The following ATF7IP2 variants were observed in gnomAD, a reference collection of about 807,000 sequenced individuals.
ATF7IP2 encodes the protein activating transcription factor 7-interacting protein 2.
In ATF7IP2, 42 loss-of-function variants were observed where a neutral mutation model predicts 64.2. The observed-to-expected ratio is 0.65, with a 90% CI of 0.51 to 0.85. The LOEUF (loss-of-function observed/expected upper bound fraction) is 0.85, where lower values mean the gene tolerates loss of function less well. Among genes scored for constraint, ATF7IP2 ranks in the 40% least tolerant of loss-of-function variants. The pLI is 0.00. For synonymous variants in ATF7IP2, 308 were observed against 272.8 expected (o/e 1.13, Z -1.27); for missense variants, 933 against 784.2 (o/e 1.19, Z -2.27).
intron 9 of ATF7IP2, among the ~76,000 whole-genome samples, chr16:10,471,625 T>C (rs2049803091): frequency 6.6e-6 from 1 of 152,156 alleles, no homozygotes; most frequent in Admixed American, 6.5e-5. Flanking sequence ...TGTCTCAAAT[T>C]TGTGGTAAAT....
intron 1 of ATF7IP2, among the ~76,000 whole-genome samples, chr16:10,388,925 T>C (rs1352493592): frequency 1.3e-5 from 2 of 151,302 alleles, no homozygotes; most frequent in African/African-American, 4.9e-5. Context: ...GGCAGGAGAA[T>C]GGCGTGAAGC....
intron 1 of ATF7IP2, among the ~76,000 whole-genome samples, chr16:10,413,755 T>C (rs1358884363): frequency 6.6e-6 from 1 of 152,234 alleles, no homozygotes; most frequent in East Asian, 1.9e-4. Context: ...CATCATTTGT[T>C]TGTCTGAAAA....
rs532684498 is a variant in ATF7IP2, at chr16:10,424,336, C to T, written c.-159-4532C>T. 1.9e-3 allele frequency among the ~76,000 whole-genome samples: 284 copies of T among 152,304 alleles called. 1 individual carries two copies. Among genetic ancestry groups the T allele is most frequent in the African/African-American group, 6.3e-3 (260 of 41,556 alleles). On this transcript the variant is annotated intron_variant, in intron 3 of 13. Coordinates refer to ENST00000562102, the MANE Select transcript of ATF7IP2 (RefSeq NM_001393719.1). ...GCTAGATTTGGGGTCCTGTTCCCAA[C>T]AGACCCCTATCTCTCACCATAAGCA...
chr16:10,401,371 T>C (rs930365144), intron 1 of ATF7IP2, among the ~76,000 whole-genome samples: 5 of 152,122 alleles, frequency 3.3e-5, no homozygotes, highest in Non-Finnish European at 7.4e-5. Context: ...GGTTTCACCA[T>C]GTTGGCCAGG....
intron 6 of ATF7IP2, among the ~76,000 whole-genome samples, chr16:10,437,022 ATTT>A (rs71402484): frequency 2.1e-5 from 3 of 141,046 alleles, no homozygotes; most frequent in African/African-American, 2.6e-5. Flanking sequence ...TATTTTTCCC[ATTT>A]TTTTTTTTTT....
At position 10,444,427 on chromosome 16, in the gene ATF7IP2, T is replaced by A. The variant is rs184865958; in HGVS notation, c.1194+3965T>A. Reference sequence around the variant, plus strand: ...GTTCGAGTTTTTCTTCTTTCCAGCTTTTGATGAGGACGTAATCTCCAGATT... The same window carrying A: ...GTTCGAGTTTTTCTTCTTTCCAGCTATTGATGAGGACGTAATCTCCAGATT... On this transcript the variant is annotated intron_variant, in intron 8 of 13. Coordinates refer to ENST00000562102, the MANE Select transcript of ATF7IP2 (RefSeq NM_001393719.1). Among the ~76,000 whole-genome samples the A allele has an allele frequency of 7.2e-5, 11 of 152,156 alleles. No homozygotes were observed. In the East Asian group the frequency reaches 1.9e-3, roughly 27 times the overall value.
chr16:10,435,988 T>C (rs2141901706), intron 6 of ATF7IP2, among the ~76,000 whole-genome samples: 1 of 152,322 alleles, frequency 6.6e-6, no homozygotes, highest in Non-Finnish European at 1.5e-5. Flanking sequence ...GCTTCACATA[T>C]TGAACCCAGC....
At chr16:10,437,211 G>C (rs1405562838) in intron 6 of ATF7IP2, among the ~76,000 whole-genome samples, 2 of 152,058 alleles carry the variant, frequency 1.3e-5, no homozygotes, top group Non-Finnish European at 2.9e-5. Context: ...AGTAGAGTCG[G>C]GGTTTCACCA....
At chr16:10,435,057 C>A (rs1284268881) in intron 6 of ATF7IP2, among the ~76,000 whole-genome samples, 1 of 152,152 alleles carries the variant, frequency 6.6e-6, no homozygotes, top group East Asian at 1.9e-4. Context: ...TGTGAGCCAC[C>A]GCGCCCAGCC....
chr16:10,455,800 C>T (rs1201189921), intron 8 of ATF7IP2, among the ~76,000 whole-genome samples: 2 of 151,994 alleles, frequency 1.3e-5, no homozygotes, highest in South Asian at 2.1e-4. Flanking sequence ...GAAATATAGA[C>T]ATTAAAAGCA....
chr16:10,457,517 C>A lies in ATF7IP2; in HGVS notation c.1340C>A (p.Ser447Tyr). Reference protein sequence around the residue: ...KINLSSDQNKSVSESNNDDVM... With the variant: ...KINLSSDQNKYVSESNNDDVM... Reference sequence around the variant, plus strand: ...AATTTGTCATCAGATCAAAATAAGTCTGTTTCTGAAAGGTAGGTGTTTCTG... The same window carrying A: ...AATTTGTCATCAGATCAAAATAAGTATGTTTCTGAAAGGTAGGTGTTTCTG... Residue 447 changes from serine (S) to tyrosine (Y), a missense_variant, in exon 9 of 14, where the codon TCT (serine) becomes TAT (tyrosine). Ser to Tyr is a moderately radical substitution (Grantham distance 144). Transcript: ENST00000562102. 1 of 1,575,592 alleles carries A rather than the reference C, an allele frequency of 6.3e-7. No individual in the cohort carries two copies. Among genetic ancestry groups the A allele is most frequent in the South Asian group, 1.2e-5 (1 of 81,598 alleles).
intron 1 of ATF7IP2, among the ~76,000 whole-genome samples, chr16:10,410,608 G>T (rs758424773): frequency 2.6e-5 from 4 of 152,090 alleles, no homozygotes; most frequent in Non-Finnish European, 5.9e-5. Context: ...TATCGATTTG[G>T]ATGCCCTTTA....
chr16:10,429,224 T>G (rs1238853882), intron 4 of ATF7IP2, among the ~76,000 whole-genome samples: 1 of 152,222 alleles, frequency 6.6e-6, no homozygotes, highest in East Asian at 1.9e-4. Context: ...AAAATTGTAT[T>G]CATGAAGAGA....
intron 9 of ATF7IP2, among the ~76,000 whole-genome samples, chr16:10,459,199 T>C (rs2049286493): frequency 6.6e-6 from 1 of 152,036 alleles, no homozygotes; most frequent in African/African-American, 2.4e-5. Context: ...CCCGGTGCGG[T>C]GGCTCACGCC....
Position 10,481,881 on chromosome 16 carries a change from G to A in ATF7IP2, c.1681G>A (p.Ala561Thr). 1 of 1,609,538 alleles carries A rather than the reference G, an allele frequency of 6.2e-7. No homozygotes were observed. Among genetic ancestry groups the A allele is most frequent in the East Asian group, 2.2e-5 (1 of 44,858 alleles). ...CCTGCCACCTCTCCCAGAACCACCA[G>A]CACCACTACCTGAATTAGTAGACAA... Reference protein sequence around the residue: ...EHLPPLPEPPAPLPELVDKTR... With the variant: ...EHLPPLPEPPTPLPELVDKTR... Residue 561 changes from alanine (A) to threonine (T), a missense_variant, in exon 14 of 14, where the codon GCA becomes ACA. By Grantham distance (58) the Ala-to-Thr change is moderately conservative. Coordinates refer to ENST00000562102, the MANE Select transcript of ATF7IP2 (RefSeq NM_001393719.1).
chr16:10,392,504 C>T (rs1316699218), intron 1 of ATF7IP2, among the ~76,000 whole-genome samples: 3 of 151,948 alleles, frequency 2.0e-5, no homozygotes, highest in Non-Finnish European at 4.4e-5. Flanking sequence ...TAAGTTAACC[C>T]CAGGCCCAAA....
intron 1 of ATF7IP2, among the ~76,000 whole-genome samples, chr16:10,403,046 G>A (rs1410755631): frequency 1.3e-5 from 2 of 152,108 alleles, no homozygotes; most frequent in African/African-American, 4.8e-5. Flanking sequence ...TTCAATTTCA[G>A]TCCAATATTT....
At chr16:10,416,046 C>T (rs1435612827) in intron 2 of ATF7IP2, among the ~76,000 whole-genome samples, 1 of 152,100 alleles carries the variant, frequency 6.6e-6, no homozygotes, top group Non-Finnish European at 1.5e-5. Flanking sequence ...TTTGGAGGTT[C>T]CTTAAAAAAC....
intron 9 of ATF7IP2, among the ~76,000 whole-genome samples, chr16:10,464,265 A>G (rs1428849911): frequency 6.6e-6 from 1 of 152,178 alleles, no homozygotes; most frequent in African/African-American, 2.4e-5. Flanking sequence ...ATGTTTAAAA[A>G]CATTTAAGAA....
Sources: allele counts gnomAD v4.1 joint callset (sites outside exome capture counted in the v4.1 genomes callset), GRCh38; gene constraint gnomAD v4.1.1; transcripts MANE v1.5; gene names NCBI Gene and HGNC (gene_info 2026-07-23, HGNC 2026-07-21).